GTF2A1L: variants seen among roughly 807,000 people sequenced by gnomAD.
GTF2A1L encodes general transcription factor IIA subunit 1 like.
GTF2A1L carries 48 observed loss-of-function variants against 49.7 expected under a neutral mutation model. The observed-to-expected ratio is 0.97, with a 90% CI of 0.77 to 1.23. The LOEUF is 1.23. Among genes scored for constraint, GTF2A1L ranks in the 50% most tolerant of loss-of-function variants. GTF2A1L has a pLI of 0.00. For synonymous variants in GTF2A1L, 246 were observed against 193.5 expected, an observed-to-expected ratio of 1.27 and a Z score of -2.25; for missense variants, 736 against 564.8, an observed-to-expected ratio of 1.30 and a Z score of -3.07.
chr2:48,645,093 G>GGT lies in GTF2A1L; in HGVS notation c.368_369dup (p.Thr124Ter), dbSNP rs1249837645. 6.2e-7 allele frequency: 1 copy of GGT among 1,612,072 alleles called. No individual in the cohort carries two copies. The highest frequency in any genetic ancestry group is 2.2e-5 in the East Asian group (1 of 44,734). On this transcript the variant is annotated frameshift_variant, in exon 5 of 9. Coordinates refer to ENST00000403751, the MANE Select transcript of GTF2A1L (RefSeq NM_006872.5). LOFTEE classifies it high-confidence loss of function. Reference sequence around the variant, plus strand: ...TGGTTATCCCATTCATGTACCAGCAGGTGTGACACTACAGACTGTATCTGG... The same window carrying GGT: ...TGGTTATCCCATTCATGTACCAGCAGGTGTGTGACACTACAGACTGTATCTGG...
At chr2:48,648,367 T>A (rs980097592) in intron 6 of GTF2A1L, among the ~76,000 whole-genome samples, 3 of 152,092 alleles carry the variant, frequency 2.0e-5, no homozygotes, top group African/African-American at 7.2e-5. Flanking sequence ...TTGGAGGCAC[T>A]TTTTACCTGG....
intron 6 of GTF2A1L, among the ~76,000 whole-genome samples, chr2:48,647,476 T>C (rs763997139): frequency 1.1e-4 from 16 of 152,166 alleles, no homozygotes; most frequent in Non-Finnish European, 2.1e-4. Context: ...GAAACTTATT[T>C]TATGTCTGCA....
rs1228460211 is a variant in GTF2A1L, at chr2:48,646,544, A to G, written c.480A>G (p.Gln160=). The change falls in exon 6 of 9, where the codon CAA becomes CAG. Residue 160 remains glutamine (Q), a synonymous_variant. Transcript: ENST00000403751. ...AGCATCCAATTCAGCAAGTATTTCAACAGCTTGGCCAGCCTTCAGTAATAC... is the reference window on the plus strand; with the variant it reads ...AGCATCCAATTCAGCAAGTATTTCAGCAGCTTGGCCAGCCTTCAGTAATAC... The part of the protein sequence containing the change: ...ILQHPIQQVF[Q]QLGQPSVIQT... 1.2e-6 allele frequency: 2 copies of G among 1,614,084 alleles called. No homozygotes were observed. Among genetic ancestry groups the G allele is most frequent in the Non-Finnish European group, 1.7e-6 (2 of 1,180,050 alleles).
chr2:48,660,448 T>G (rs2104267661), intron 6 of GTF2A1L, among the ~76,000 whole-genome samples: 1 of 152,256 alleles, frequency 6.6e-6, no homozygotes, highest in African/African-American at 2.4e-5. Context: ...TTCAGTCTAC[T>G]TTCCAGTTAA....
At chr2:48,664,915 T>C (rs1054149941) in intron 6 of GTF2A1L, among the ~76,000 whole-genome samples, 5 of 152,102 alleles carry the variant, frequency 3.3e-5, no homozygotes, top group African/African-American at 1.2e-4. Context: ...GAGGTTTTTC[T>C]ATTTATTTAT....
chr2:48,651,491 T>G (rs565083777), intron 6 of GTF2A1L, among the ~76,000 whole-genome samples: 1 of 151,810 alleles, frequency 6.6e-6, no homozygotes, highest in Non-Finnish European at 1.5e-5. Context: ...AATGAAAAGT[T>G]TGGTTAGTAA....
intron 4 of GTF2A1L, among the ~76,000 whole-genome samples, chr2:48,644,321 C>G (rs1018164061): frequency 6.6e-6 from 1 of 152,148 alleles, no homozygotes; most frequent in Non-Finnish European, 1.5e-5. Context: ...AGTAGGGATA[C>G]TCTTTTTACT....
chr2:48,655,384 T>C (rs1461509861), intron 6 of GTF2A1L, among the ~76,000 whole-genome samples: 1 of 152,016 alleles, frequency 6.6e-6, no homozygotes, highest in Non-Finnish European at 1.5e-5. Flanking sequence ...ACAGACAGAG[T>C]CTCACTGTGT....
At chr2:48,644,407 T>C (rs990048139) in intron 4 of GTF2A1L, among the ~76,000 whole-genome samples, 31 of 152,326 alleles carry the variant, frequency 2.0e-4, no homozygotes, top group African/African-American at 7.5e-4. Flanking sequence ...AAATTGACCT[T>C]CGTGGATGCA....
chr2:48,675,523 G>T (rs1010363452), intron 8 of GTF2A1L, among the ~76,000 whole-genome samples: 14 of 152,124 alleles, frequency 9.2e-5, no homozygotes, highest in Middle Eastern at 3.4e-3. Context: ...TACATACTGG[G>T]TGAGAATTAG....
intron 1 of GTF2A1L, 53 bp downstream of exon 1, chr2:48,617,948 C>A: frequency 1.3e-6 from 2 of 1,532,772 alleles, no homozygotes; most frequent in Non-Finnish European, 1.8e-6. Flanking sequence ...ACTCCGGGTT[C>A]ACGGCAGCCG....
rs1281035907 is a variant in GTF2A1L, at chr2:48,636,063, G to GT, written c.248-6338dup. On this transcript the variant is annotated intron_variant, in intron 3 of 8. Coordinates refer to ENST00000403751, the MANE Select transcript of GTF2A1L (RefSeq NM_006872.5). ...ACAGTGGCTGTTTGGCAGGATTCTC[G>GT]TCTTTGGGATTTGGAGTATCCTGCA... 3.9e-5 allele frequency among the ~76,000 whole-genome samples: 6 copies of GT among 152,234 alleles called. No individual in the cohort carries two copies. In the East Asian group the frequency reaches 9.7e-4, roughly 24 times the overall value.
intron 3 of GTF2A1L, among the ~76,000 whole-genome samples, chr2:48,639,375 A>G (rs945195425): frequency 3.3e-5 from 5 of 152,214 alleles, no homozygotes; most frequent in Non-Finnish European, 7.3e-5. Context: ...AACAGAATAG[A>G]CAGCCAGGAA....
At chr2:48,644,812 C>G (rs910641891) in intron 4 of GTF2A1L, among the ~76,000 whole-genome samples, 5 of 152,176 alleles carry the variant, frequency 3.3e-5, no homozygotes, top group African/African-American at 1.2e-4. Flanking sequence ...GACTTACTAG[C>G]TTCATTGCTA....
At chr2:48,662,064 T>C (rs1031104423) in intron 6 of GTF2A1L, among the ~76,000 whole-genome samples, 8 of 152,214 alleles carry the variant, frequency 5.3e-5, no homozygotes, top group African/African-American at 1.9e-4. Flanking sequence ...TTCTTTGTGG[T>C]TACCACGGGT....
chr2:48,654,332 AGTTTT>A (rs1358374930), intron 6 of GTF2A1L, among the ~76,000 whole-genome samples: 1 of 152,130 alleles, frequency 6.6e-6, no homozygotes, highest in Admixed American at 6.5e-5. Context: ...GTATAGTTAT[AGTTTT>A]GTCATTTAGG....
In GTF2A1L at chr2:48,664,325, T is replaced by C. The variant is rs544686982; in HGVS notation, c.979-5397T>C. Among the ~76,000 whole-genome samples, 23 of 152,114 alleles carry C rather than the reference T, an allele frequency of 1.5e-4. No homozygotes were observed. The South Asian group carries it at 1.9e-3, about 12-fold the overall frequency. The stretch of plus-strand genomic sequence containing the variant: ...GTTTTCTTTAATGTAGTTTTTTTTT[T>C]TTTAAATCATGAGTTGATGTTTAAA... On this transcript the variant is annotated intron_variant, in intron 6 of 8. Coordinates refer to ENST00000403751, the MANE Select transcript of GTF2A1L (RefSeq NM_006872.5).
chr2:48,642,482 T>G, intron 4 of GTF2A1L, 25 bp downstream of exon 4: 1 of 1,555,552 alleles, frequency 6.4e-7, no homozygotes, highest in Non-Finnish European at 8.8e-7. Flanking sequence ...TAAAATATAT[T>G]TTAAAAGACA....
At position 48,669,846 on chromosome 2, in the gene GTF2A1L, A is replaced by C; in HGVS notation, c.1103A>C (p.Asp368Ala). 1 of 1,614,060 alleles carries C rather than the reference A, an allele frequency of 6.2e-7. No individual in the cohort carries two copies. The highest frequency in any genetic ancestry group is 8.5e-7 in the Non-Finnish European group (1 of 1,179,990). The change falls in exon 7 of 9, where the codon GAT becomes GCT. Residue 368 changes from aspartate (D) to alanine (A), a missense_variant. Physicochemically the swap from Asp to Ala is moderately radical, Grantham distance 126 (BLOSUM62 -2). Transcript: ENST00000403751. The part of the protein sequence containing the change: ...NEEIGSTRDA[D>A]ENEFLGNIDG... Reference sequence around the variant, plus strand: ...GAAATAGGAAGTACAAGAGATGCAGATGAGAATGAATTTCTAGGGAATATT... The same window carrying C: ...GAAATAGGAAGTACAAGAGATGCAGCTGAGAATGAATTTCTAGGGAATATT...
Sources: allele counts gnomAD v4.1 joint callset (sites outside exome capture counted in the v4.1 genomes callset), GRCh38; gene constraint gnomAD v4.1.1; transcripts MANE v1.5; gene names NCBI Gene and HGNC (gene_info 2026-07-23, HGNC 2026-07-21).